Variants in CNTNAP2 observed in about 807,000 individuals in gnomAD.
CNTNAP2 encodes contactin associated protein 2, also known as contactin-associated protein-like 2.
Under a neutral mutation model 155.2 loss-of-function variants are expected in CNTNAP2, and 98 were observed. That is an observed-to-expected ratio of 0.63 (90% confidence interval 0.54 to 0.75). CNTNAP2 has a LOEUF of 0.75. Ranked by LOEUF, CNTNAP2 falls within the 30% of genes least tolerant of loss-of-function variation. The pLI is 0.00. For synonymous variants in CNTNAP2, 651 were observed against 631.2 expected (o/e 1.03, Z -0.47); for missense variants, 1,727 against 1,688.1 (o/e 1.02, Z -0.40).
At chr7:147,993,921 A>T (rs1013403966) in intron 15 of CNTNAP2, among the ~76,000 whole-genome samples, 1 of 152,190 alleles carries the variant, frequency 6.6e-6, no homozygotes, top group African/African-American at 2.4e-5. Flanking sequence ...GAATCAAGAA[A>T]AAAAAAAGGA....
intron 13 of CNTNAP2, among the ~76,000 whole-genome samples, chr7:147,899,257 T>C (rs1047729459): frequency 6.6e-6 from 1 of 152,140 alleles, no homozygotes; most frequent in Non-Finnish European, 1.5e-5. Context: ...GGAGGATGGC[T>C]TGAGTCCAGG....
intron 13 of CNTNAP2, among the ~76,000 whole-genome samples, chr7:147,796,712 G>T (rs1028348960): frequency 1.3e-5 from 2 of 152,146 alleles, no homozygotes; most frequent in African/African-American, 2.4e-5. Context: ...CTATAACCAA[G>T]CACAGCTGGG....
chr7:147,080,015 T>G (rs79033777), intron 4 of CNTNAP2, among the ~76,000 whole-genome samples: 2 of 151,562 alleles, frequency 1.3e-5, no homozygotes, highest in East Asian at 3.9e-4. Flanking sequence ...TTTTTTTTTT[T>G]TTGCATAGCC....
intron 12 of CNTNAP2, among the ~76,000 whole-genome samples, chr7:147,620,853 G>A (rs982123261): frequency 7.9e-5 from 12 of 151,966 alleles, no homozygotes; most frequent in Admixed American, 1.3e-4. Flanking sequence ...CAAAACCCTA[G>A]GGAAAGATAT....
chr7:148,039,997 A>G (rs767967925), intron 15 of CNTNAP2, among the ~76,000 whole-genome samples: 4 of 152,184 alleles, frequency 2.6e-5, no homozygotes, highest in Admixed American at 6.5e-5. Flanking sequence ...GCATAAACAA[A>G]ACTATCCCTT....
chr7:146,148,461 C>T (rs1797987142), intron 1 of CNTNAP2, among the ~76,000 whole-genome samples: 1 of 152,056 alleles, frequency 6.6e-6, no homozygotes, highest in Non-Finnish European at 1.5e-5. Context: ...AAAGAATTCA[C>T]AATAGAATTC....
chr7:146,307,506 G>C (rs1355919384), intron 1 of CNTNAP2, among the ~76,000 whole-genome samples: 1 of 152,076 alleles, frequency 6.6e-6, no homozygotes, highest in Non-Finnish European at 1.5e-5. Context: ...AACCAAAAAA[G>C]AGTCAGCATT....
Position 148,062,026 on chromosome 7 carries a change from A to AGTGTGTGTGT in CNTNAP2, c.2384-56091_2384-56090insTGTGTGTGTG, listed in dbSNP as rs1429526235. Among the ~76,000 whole-genome samples, 122 of 132,048 alleles carry AGTGTGTGTGT rather than the reference A, an allele frequency of 9.2e-4. 2 individuals are homozygous for AGTGTGTGTGT. The highest frequency in any genetic ancestry group is 3.4e-3 in the African/African-American group (115 of 34,072). The allele number at this position is 132,048 out of a possible 152,430, so 86.6% of individuals were successfully genotyped here. ...AGATAGATGATAGAGAGAGAGAGAG[A>AGTGTGTGTGT]GAGTGTGTGTGTGTGTGTGTGTGTG... is the stretch of plus-strand genomic sequence containing the variant. On this transcript the variant is annotated intron_variant, in intron 15 of 23. Coordinates refer to ENST00000361727, the MANE Select transcript of CNTNAP2 (RefSeq NM_014141.6).
chr7:146,348,369 G>T (rs182718465), intron 1 of CNTNAP2, among the ~76,000 whole-genome samples: 32 of 152,270 alleles, frequency 2.1e-4, no homozygotes, highest in Non-Finnish European at 4.3e-4. Context: ...AGGTTGCAGT[G>T]AGTGGAGATC....
At chr7:148,366,256 GTGTGTA>G (rs1490497865) in intron 21 of CNTNAP2, among the ~76,000 whole-genome samples, 1 of 114,582 alleles carries the variant, frequency 8.7e-6, no homozygotes, top group African/African-American at 3.1e-5. Flanking sequence ...ATGTATATAT[GTGTGTA>G]TATGTGTACA....
At chr7:147,367,590 A>G (rs1796256519) in intron 9 of CNTNAP2, among the ~76,000 whole-genome samples, 1 of 152,178 alleles carries the variant, frequency 6.6e-6, no homozygotes, top group South Asian at 2.1e-4. Flanking sequence ...GTCCCATGCT[A>G]TCATGTGACT....
At chr7:147,814,395 C>G (rs1798234166) in intron 13 of CNTNAP2, among the ~76,000 whole-genome samples, 1 of 152,162 alleles carries the variant, frequency 6.6e-6, no homozygotes, top group South Asian at 2.1e-4. Context: ...ATGCATTTGT[C>G]TCCATCAAAA....
At chr7:147,470,548 C>T (rs4726869) in intron 10 of CNTNAP2, among the ~76,000 whole-genome samples, 110,672 of 143,516 alleles carry the variant, frequency 0.77, 42,942 homozygotes, top group African/African-American at 0.85. Context: ...ATTAGGGTAA[C>T]AGCAGTAGAG....
intron 3 of CNTNAP2, among the ~76,000 whole-genome samples, chr7:147,025,780 T>C (rs1798906798): frequency 6.6e-6 from 1 of 152,058 alleles, no homozygotes; most frequent in South Asian, 2.1e-4. Context: ...TATGTGTGTG[T>C]ATACATTACA....
chr7:147,007,130 A>G (rs1798540784), intron 3 of CNTNAP2, among the ~76,000 whole-genome samples: 1 of 152,070 alleles, frequency 6.6e-6, no homozygotes, highest in South Asian at 2.1e-4. Context: ...TGTGTTTTTT[A>G]CTATTATGAT....
chr7:146,981,486 A>G (rs558987952), intron 3 of CNTNAP2, among the ~76,000 whole-genome samples: 1 of 152,324 alleles, frequency 6.6e-6, no homozygotes, highest in South Asian at 2.1e-4. Context: ...GGATTGAACT[A>G]CTTGTATATG....
At chr7:148,314,219 G>A (rs1797645890) in intron 21 of CNTNAP2, among the ~76,000 whole-genome samples, 1 of 152,152 alleles carries the variant, frequency 6.6e-6, no homozygotes, top group African/African-American at 2.4e-5. Context: ...GGGAGGGAAA[G>A]AAGGAAGATT....
At chr7:148,244,201 T>C (rs912563808) in intron 20 of CNTNAP2, among the ~76,000 whole-genome samples, 2 of 152,202 alleles carry the variant, frequency 1.3e-5, no homozygotes, top group African/African-American at 4.8e-5. Context: ...TTTTATTTTG[T>C]CGTTTTGGAG....
chr7:148,190,948 C>T (rs891858933), intron 18 of CNTNAP2: 7 of 151,832 alleles, frequency 4.6e-5, no homozygotes, highest in East Asian at 1.9e-4. Flanking sequence ...ATTATTAGGA[C>T]GATAATAAAA....
Sources: gnomAD v4.1 joint callset for allele counts (sites outside exome capture counted in the v4.1 genomes callset) on GRCh38, gnomAD v4.1.1 for gene constraint, MANE v1.5 for transcripts, NCBI Gene and HGNC (gene_info 2026-07-23, HGNC 2026-07-21) for gene names.